COL23A1: variants seen among roughly 807,000 people sequenced by gnomAD.
COL23A1 encodes collagen type XXIII alpha 1 chain, also known as collagen alpha-1(XXIII) chain.
Under a neutral mutation model 99.3 loss-of-function variants are expected in COL23A1, and 97 were observed. That is an observed-to-expected ratio of 0.98 (90% CI 0.83 to 1.16). The LOEUF is 1.16. Ranked by LOEUF, COL23A1 falls within the 50% of genes most tolerant of loss-of-function variation. The pLI is 0.00. For synonymous variants in COL23A1, 320 were observed against 308.2 expected (o/e 1.04, Z -0.40); for missense variants, 762 against 757.4 (o/e 1.01, Z -0.07).
chr5:178,496,077 C>G (rs144245692), intron 2 of COL23A1, among the ~76,000 whole-genome samples: 1 of 152,156 alleles, frequency 6.6e-6, no homozygotes, highest in Non-Finnish European at 1.5e-5. Context: ...ATAACTGAAT[C>G]AACGCATGGG....
chr5:178,353,587 T>C (rs975423469), intron 2 of COL23A1, among the ~76,000 whole-genome samples: 9 of 152,308 alleles, frequency 5.9e-5, no homozygotes, highest in South Asian at 2.1e-4. Flanking sequence ...CCTTTAGTCA[T>C]AGAGAATCGC....
chr5:178,358,098 AAT>A (rs1171844254), intron 2 of COL23A1, among the ~76,000 whole-genome samples: 3 of 141,426 alleles, frequency 2.1e-5, no homozygotes, highest in African/African-American at 8.1e-5. Flanking sequence ...GTGTAGGTCT[AAT>A]GTGTGTGTAT....
intron 3 of COL23A1, among the ~76,000 whole-genome samples, chr5:178,293,025 G>T (rs1191810766): frequency 6.6e-6 from 1 of 152,072 alleles, no homozygotes; most frequent in Non-Finnish European, 1.5e-5. Flanking sequence ...GACAGGAGGG[G>T]GGTCTGATGG....
chr5:178,482,514 G>T (rs1423786597), intron 2 of COL23A1, among the ~76,000 whole-genome samples: 1 of 152,172 alleles, frequency 6.6e-6, no homozygotes, highest in Non-Finnish European at 1.5e-5. Context: ...TGAAGAAAAA[G>T]GTTCTGAGAT....
intron 2 of COL23A1, among the ~76,000 whole-genome samples, chr5:178,312,919 G>A (rs532524048): frequency 2.0e-4 from 31 of 152,294 alleles, no homozygotes; most frequent in Middle Eastern, 3.4e-3. Context: ...ACTACCAGGC[G>A]CAACAGCCAA....
intron 5 of COL23A1, among the ~76,000 whole-genome samples, chr5:178,279,616 C>T (rs1437542499): frequency 6.6e-6 from 1 of 152,192 alleles, no homozygotes; most frequent in Non-Finnish European, 1.5e-5. Context: ...CTGTGGGCCC[C>T]TTTGTCCAGC....
chr5:178,532,692 C>T (rs1242081679), intron 2 of COL23A1, among the ~76,000 whole-genome samples: 1 of 152,138 alleles, frequency 6.6e-6, no homozygotes, highest in African/African-American at 2.4e-5. Context: ...CCCCTAATCC[C>T]AACTGTGATG....
chr5:178,249,100 C>T lies in COL23A1; in HGVS notation c.1149+17G>A. 2 of 1,612,182 alleles carry T rather than the reference C, an allele frequency of 1.2e-6. No individual in the cohort carries two copies. The highest frequency in any genetic ancestry group is 8.5e-7 in the Non-Finnish European group (1 of 1,178,398). Reference sequence around the variant, plus strand: ...CCACACAGGAGGCGTAATGTGTGGCCCAACCCAGCCACATACCGGGAGGCC... The same window carrying T: ...CCACACAGGAGGCGTAATGTGTGGCTCAACCCAGCCACATACCGGGAGGCC... On this transcript the variant is annotated intron_variant, in intron 19 of 28. Coordinates refer to ENST00000390654, the MANE Select transcript of COL23A1 (RefSeq NM_173465.4).
At chr5:178,509,555 C>G (rs564994438) in intron 2 of COL23A1, among the ~76,000 whole-genome samples, 1 of 152,152 alleles carries the variant, frequency 6.6e-6, no homozygotes, top group Non-Finnish European at 1.5e-5. Context: ...CAGCTGAGAT[C>G]TGGCACATTG....
chr5:178,288,449 G>A (rs1298731049), intron 4 of COL23A1, 99 bp from the exon 5 acceptor site: 11 of 1,044,248 alleles, frequency 1.1e-5, no homozygotes, highest in African/African-American at 1.5e-5. Context: ...CCCGCCCCCC[G>A]ACAGCTGGTT....
Position 178,238,758 on chromosome 5 carries a change from C to A in COL23A1, c.1621-58G>T, listed in dbSNP as rs1344333780. On this transcript the variant is annotated intron_variant, in intron 28 of 28. Transcript: ENST00000390654. ...GGAGCCCGAGAAGCTCCGCCCCCATCCAGGCCACCTTGCCTGGCCTCCCCG... is the reference window on the plus strand; with the variant it reads ...GGAGCCCGAGAAGCTCCGCCCCCATACAGGCCACCTTGCCTGGCCTCCCCG... 1.9e-6 allele frequency: 3 copies of A among 1,611,308 alleles called. No homozygotes were observed. The African/African-American group carries it at 4.0e-5, about 22-fold the overall frequency.
chr5:178,424,091 T>G (rs1765775579), intron 2 of COL23A1, among the ~76,000 whole-genome samples: 1 of 152,162 alleles, frequency 6.6e-6, no homozygotes, highest in Non-Finnish European at 1.5e-5. Flanking sequence ...CTCAGCTGCT[T>G]GGCCTTAGGG....
At chr5:178,241,052 C>T (rs1309791652) in intron 27 of COL23A1, among the ~76,000 whole-genome samples, 1 of 152,142 alleles carries the variant, frequency 6.6e-6, no homozygotes, top group African/African-American at 2.4e-5. Flanking sequence ...GACGACATTG[C>T]AAGACCCCAG....
At chr5:178,558,848 G>T (rs1762411430) in intron 2 of COL23A1, among the ~76,000 whole-genome samples, 1 of 151,694 alleles carries the variant, frequency 6.6e-6, no homozygotes, top group Non-Finnish European at 1.5e-5. Context: ...GAGTGCAATG[G>T]TGCAATCTCG....
At chr5:178,240,033 C>A (rs1262400013) in intron 27 of COL23A1, among the ~76,000 whole-genome samples, 3 of 152,146 alleles carry the variant, frequency 2.0e-5, no homozygotes, top group Non-Finnish European at 4.4e-5. Flanking sequence ...CCTGCTCCAG[C>A]CTGTGCTGGC....
intron 5 of COL23A1, among the ~76,000 whole-genome samples, chr5:178,278,481 C>G (rs1049174983): frequency 6.6e-6 from 1 of 152,226 alleles, no homozygotes; most frequent in East Asian, 1.9e-4. Context: ...CGGAACTGCA[C>G]CCCGATGGGG....
intron 20 of COL23A1, 67 bp downstream of exon 20, chr5:178,248,125 G>A: frequency 8.2e-7 from 1 of 1,220,154 alleles, no homozygotes; most frequent in Non-Finnish European, 1.2e-6. Context: ...TTGTCCCAAG[G>A]CTCAGGGTCC....
chr5:178,386,398 C>T (rs1336208236), intron 2 of COL23A1, among the ~76,000 whole-genome samples: 5 of 151,734 alleles, frequency 3.3e-5, no homozygotes, highest in Non-Finnish European at 5.9e-5. Flanking sequence ...GAGATTGCAC[C>T]GCTGCACTCC....
intron 5 of COL23A1, among the ~76,000 whole-genome samples, chr5:178,286,303 TGCTGGACCCCA>T (rs1256377843): frequency 6.6e-6 from 1 of 152,146 alleles, no homozygotes; most frequent in Admixed American, 6.5e-5. Flanking sequence ...TGGGGGGGCT[TGCTGGACCCCA>T]GCTCTCTTCC....
Sources: allele counts gnomAD v4.1 joint callset (sites outside exome capture counted in the v4.1 genomes callset), GRCh38; gene constraint gnomAD v4.1.1; transcripts MANE v1.5; gene names NCBI Gene and HGNC (gene_info 2026-07-23, HGNC 2026-07-21).